Variants in PARD3 observed in about 807,000 individuals in gnomAD.
The protein encoded by PARD3 is par-3 family cell polarity regulator, also known as partitioning defective 3 homolog.
In PARD3, 75 loss-of-function variants were observed where a neutral mutation model predicts 155.4. That is an observed-to-expected ratio of 0.48 (90% confidence interval 0.40 to 0.58). The LOEUF is 0.58. Ranked by LOEUF, PARD3 falls within the 20% of genes least tolerant of loss-of-function variation. The pLI, the probability that PARD3 is intolerant of heterozygous loss-of-function variation, is 0.00. For missense variants in PARD3, 1,642 were observed against 1,721.7 expected, an observed-to-expected ratio of 0.95 and a Z score of 0.82; for synonymous variants, 576 against 610.5, an observed-to-expected ratio of 0.94 and a Z score of 0.83.
intron 2 of PARD3, among the ~76,000 whole-genome samples, chr10:34,672,648 G>A (rs1181119685): frequency 6.6e-6 from 1 of 152,182 alleles, no homozygotes; most frequent in Admixed American, 6.5e-5. Context: ...ACACTACTGA[G>A]CTCTGGCCTG....
At chr10:34,513,503 G>A (rs548584294) in intron 3 of PARD3, among the ~76,000 whole-genome samples, 17 of 152,126 alleles carry the variant, frequency 1.1e-4, no homozygotes, top group Non-Finnish European at 2.1e-4. Context: ...GGCTGGTCTC[G>A]AACTCCTGAC....
At chr10:34,751,322 C>G (rs116615480) in intron 1 of PARD3, among the ~76,000 whole-genome samples, 3,735 of 152,218 alleles carry the variant, frequency 0.025, 130 homozygotes, top group African/African-American at 0.084. Context: ...ATACTCCATG[C>G]TTATAAGACA....
chr10:34,545,738 A>G (rs2083993075), intron 2 of PARD3, among the ~76,000 whole-genome samples: 1 of 152,032 alleles, frequency 6.6e-6, no homozygotes, highest in African/African-American at 2.4e-5. Flanking sequence ...TTGTATTTTT[A>G]TTAGAGACGG....
chr10:34,456,926 G>T (rs2077370504), intron 4 of PARD3, among the ~76,000 whole-genome samples: 1 of 152,014 alleles, frequency 6.6e-6, no homozygotes, highest in African/African-American at 2.4e-5. Context: ...TTCTGAATAT[G>T]CCAAAAAATT....
intron 5 of PARD3, among the ~76,000 whole-genome samples, chr10:34,422,344 C>T (rs2075358847): frequency 6.6e-6 from 1 of 152,048 alleles, no homozygotes; most frequent in Non-Finnish European, 1.5e-5. Context: ...AAAAACTTAG[C>T]AGGGTAAAAT....
intron 22 of PARD3, among the ~76,000 whole-genome samples, chr10:34,146,626 T>C (rs1234531002): frequency 6.6e-6 from 1 of 152,238 alleles, no homozygotes; most frequent in African/African-American, 2.4e-5. Flanking sequence ...TGCCCACATT[T>C]ACTTCTGCTG....
chr10:34,260,270 T>C (rs890202207), intron 22 of PARD3, among the ~76,000 whole-genome samples: 2 of 152,222 alleles, frequency 1.3e-5, no homozygotes, highest in Non-Finnish European at 2.9e-5. Context: ...CTGCCACACC[T>C]GGCCAATTTT....
intron 5 of PARD3, among the ~76,000 whole-genome samples, chr10:34,418,266 C>T (rs111863886): frequency 1.3e-5 from 2 of 152,082 alleles, no homozygotes; most frequent in African/African-American, 4.8e-5. Flanking sequence ...ACTCGACCTC[C>T]TGGGTTCAAG....
intron 1 of PARD3, among the ~76,000 whole-genome samples, chr10:34,811,167 G>A (rs556906038): frequency 6.6e-6 from 1 of 152,182 alleles, no homozygotes; most frequent in East Asian, 1.9e-4. Flanking sequence ...CCTCATCTAA[G>A]GTTGCTCAGG....
intron 22 of PARD3, among the ~76,000 whole-genome samples, chr10:34,260,641 A>G (rs1954908311): frequency 1.3e-5 from 2 of 152,208 alleles, no homozygotes; most frequent in Non-Finnish European, 2.9e-5. Context: ...CCCAGGTTGG[A>G]TGGAGCACAT....
At chr10:34,394,285 CAAAGGTCT>C (rs1843122301) in intron 7 of PARD3, among the ~76,000 whole-genome samples, 1 of 152,138 alleles carries the variant, frequency 6.6e-6, no homozygotes, top group African/African-American at 2.4e-5. Flanking sequence ...CTTGGCCTCC[CAAAGGTCT>C]GGGATTACAG....
At chr10:34,475,311 T>C (rs1009283014) in intron 3 of PARD3, among the ~76,000 whole-genome samples, 10 of 152,236 alleles carry the variant, frequency 6.6e-5, no homozygotes, top group African/African-American at 2.4e-4. Context: ...TTTTGCTTAA[T>C]AGAAGACATC....
chr10:34,498,015 T>C (rs2080408826), intron 3 of PARD3, among the ~76,000 whole-genome samples: 1 of 152,138 alleles, frequency 6.6e-6, no homozygotes, highest in Non-Finnish European at 1.5e-5. Context: ...TTCCCCCCTC[T>C]CCTACCTCCT....
At chr10:34,688,425 G>T (rs866201458) in intron 2 of PARD3, among the ~76,000 whole-genome samples, 1 of 152,142 alleles carries the variant, frequency 6.6e-6, no homozygotes, top group Non-Finnish European at 1.5e-5. Flanking sequence ...GTACACAAAC[G>T]CATGACAGCT....
intron 2 of PARD3, among the ~76,000 whole-genome samples, chr10:34,589,917 G>A (rs937966366): frequency 6.6e-6 from 1 of 152,156 alleles, no homozygotes; most frequent in Admixed American, 6.5e-5. Context: ...ACTAGAACTT[G>A]CATGCTAACA....
At position 34,517,008 on chromosome 10, in the gene PARD3, A is replaced by G. The variant is rs1050196087; in HGVS notation, c.374T>C (p.Ile125Thr). Reference sequence around the variant, plus strand: ...TCGAAGGACTGAAGGTGTGACCTCAATTTCACTTGTTGCTTGGTAAGGCTG... The same window carrying G: ...TCGAAGGACTGAAGGTGTGACCTCAGTTTCACTTGTTGCTTGGTAAGGCTG... ...AFQPYQATSEIEVTPSVLRAN... is the reference protein window; with the variant it reads ...AFQPYQATSETEVTPSVLRAN... Residue 125 changes from isoleucine to threonine, a missense_variant, in exon 3 of 25, where the codon ATT becomes ACT. Coordinates refer to ENST00000374788, the MANE Select transcript of PARD3 (RefSeq NM_001184785.2). 4.3e-6 allele frequency: 7 copies of G among 1,614,042 alleles called. No homozygotes were observed. Among genetic ancestry groups the G allele is most frequent in the Non-Finnish European group, 1.7e-6 (2 of 1,180,004 alleles).
chr10:34,756,091 C>G (rs1044307763), intron 1 of PARD3, among the ~76,000 whole-genome samples: 2 of 150,350 alleles, frequency 1.3e-5, no homozygotes, highest in South Asian at 4.2e-4. Context: ...AATCACTGTA[C>G]AGGTTGGCAG....
At chr10:34,567,802 A>T (rs2134122694) in intron 2 of PARD3, among the ~76,000 whole-genome samples, 1 of 152,362 alleles carries the variant, frequency 6.6e-6, no homozygotes, top group East Asian at 1.9e-4. Flanking sequence ...TTGTACCAAG[A>T]AGCTTTGCAC....
intron 9 of PARD3, among the ~76,000 whole-genome samples, chr10:34,379,933 T>G (rs1381245133): frequency 6.6e-6 from 1 of 152,066 alleles, no homozygotes; most frequent in East Asian, 1.9e-4. Context: ...TATACTGACA[T>G]CTTTTTTTGT....
Sources: allele counts gnomAD v4.1 joint callset (sites outside exome capture counted in the v4.1 genomes callset), GRCh38; gene constraint gnomAD v4.1.1; transcripts MANE v1.5; gene names NCBI Gene and HGNC (gene_info 2026-07-23, HGNC 2026-07-21).